The following HEMK1 variants were observed in gnomAD, a reference collection of about 807,000 sequenced individuals.
HEMK1 encodes the protein MTRF1L release factor glutamine methyltransferase.
HEMK1 carries 36 observed loss-of-function variants against 47.9 expected under a neutral mutation model. The observed-to-expected ratio is 0.75, with a 90% CI of 0.58 to 0.99. The LOEUF (loss-of-function observed/expected upper bound fraction) is 0.99, where lower values mean the gene tolerates loss of function less well. HEMK1 is among the 50% of genes least tolerant of loss of function. HEMK1 has a pLI of 0.00. For missense variants in HEMK1, 383 were observed against 434.5 expected, an observed-to-expected ratio of 0.88 and a Z score of 1.05; for synonymous variants, 153 against 165.4, an observed-to-expected ratio of 0.93 and a Z score of 0.57.
chr3:50,571,976 G>T, intron 3 of HEMK1, 139 bp from the exon 4 acceptor site: 1 of 1,420,166 alleles, frequency 7.0e-7, no homozygotes, highest in South Asian at 1.3e-5. Context: ...AGGGAGGGAG[G>T]GTTTTGCCTC....
intron 4 of HEMK1, among the ~76,000 whole-genome samples, chr3:50,574,335 C>G (rs1701339597): frequency 6.6e-6 from 1 of 152,230 alleles, no homozygotes; most frequent in Non-Finnish European, 1.5e-5. Flanking sequence ...GGGCTGTTAT[C>G]TACCCCTGCC....
In HEMK1 at chr3:50,580,393, G is replaced by A. The variant is rs1232775035; in HGVS notation, c.993G>A (p.Leu331=). ...RRDFCGRPRF[L]HIRRSGP is the part of the protein sequence containing the mutation. ...CCTGTCTCCTCAGGCCCCGGTTCCT[G>A]CATATCCGGAGGTCTGGGCCATAGC... is the stretch of plus-strand genomic sequence containing the variant. The change falls in exon 11 of 11, where the codon CTG becomes CTA. Residue 331 remains leucine, a synonymous_variant. Transcript: ENST00000232854. 3 of 1,614,174 alleles carry A rather than the reference G, an allele frequency of 1.9e-6. No individual in the cohort carries two copies. Among genetic ancestry groups the A allele is most frequent in the Non-Finnish European group, 2.5e-6 (3 of 1,180,022 alleles).
chr3:50,593,657 T>C lies in HEMK1; in HGVS notation c.*13240T>C, dbSNP rs1245726288. 2 of 152,244 alleles carry C rather than the reference T, an allele frequency of 1.3e-5. No homozygotes were observed. Among genetic ancestry groups the C allele is most frequent in the Non-Finnish European group, 2.9e-5 (2 of 68,044 alleles). 9.4% of individuals were successfully genotyped at this position (152,244 alleles called of 1,614,324 possible). ...CACCTTTTTGTTTTCTCTTACAAGA[T>C]GTGCTTGTTGTTGCTTCTCTTGGAT... On this transcript the variant is annotated 3_prime_UTR_variant, in exon 11 of 11. Transcript: ENST00000232854.
rs1216456585 is a variant in HEMK1 at position 50,580,061 on chromosome 3, G to A, written c.867-55G>A. Reference sequence around the variant, plus strand: ...TCACCTCGCCAGCCCAAGCAGCCCAGAAGGGCAGGCGCCAGACCTGTCCTG... The same window carrying A: ...TCACCTCGCCAGCCCAAGCAGCCCAAAAGGGCAGGCGCCAGACCTGTCCTG... On this transcript the variant is annotated intron_variant, in intron 9 of 10. Transcript: ENST00000232854. The A allele has an allele frequency of 2.6e-6, 4 of 1,559,398 alleles. No individual in the cohort carries two copies. In the East Asian group the frequency reaches 9.0e-5, roughly 35 times the overall value.
At position 50,585,783 on chromosome 3, in the gene HEMK1, T is replaced by C. The variant is rs530062127; in HGVS notation, c.*5366T>C. 3.3e-5 allele frequency: 5 copies of C among 152,210 alleles called. No individual in the cohort carries two copies. The highest frequency in any genetic ancestry group is 6.5e-5 in the Admixed American group (1 of 15,284). 9.4% of individuals were successfully genotyped at this position (152,210 alleles called of 1,614,324 possible). On this transcript the variant is annotated 3_prime_UTR_variant, in exon 11 of 11. Coordinates refer to ENST00000232854, the MANE Select transcript of HEMK1 (RefSeq NM_016173.5). ...AAGGGGTGGATCATGGCAAGACTTA[T>C]ATTCAATCCCTGATCTTTTTTCCCA...
At position 50,588,374 on chromosome 3, in the gene HEMK1, C is replaced by T. The variant is rs2031519785; in HGVS notation, c.*7957C>T. The T allele has an allele frequency of 6.6e-6, 1 of 152,258 alleles. No homozygotes were observed. The highest frequency in any genetic ancestry group is 2.4e-5 in the African/African-American group (1 of 41,442). The allele number at this position is 152,258 out of a possible 1,614,324, so 9.4% of individuals were successfully genotyped here. On this transcript the variant is annotated 3_prime_UTR_variant, in exon 11 of 11. Transcript: ENST00000232854. ...GCCATGCTGGAGTTTGAACCTAGTC[C>T]TCTGACATCCCAGTCAGGAGAGGCG...
At chr3:50,580,066 G>A in intron 9 of HEMK1, 50 bp from the exon 10 acceptor site, 1 of 1,559,204 alleles carries the variant, frequency 6.4e-7, no homozygotes, top group Non-Finnish European at 8.8e-7. Context: ...GCCCAGAAGG[G>A]CAGGCGCCAG....
At chr3:50,574,474 G>A (rs1344896735) in intron 4 of HEMK1, among the ~76,000 whole-genome samples, 37 of 152,216 alleles carry the variant, frequency 2.4e-4, no homozygotes, top group Non-Finnish European at 2.9e-5. Flanking sequence ...ATCCACATAC[G>A]TGGTGTGTGT....
Position 50,571,152 on chromosome 3 carries a change from G to A in HEMK1, c.48G>A (p.Gly16=). The A allele has an allele frequency of 6.2e-7, 1 of 1,613,114 alleles. No individual in the cohort carries two copies. The highest frequency in any genetic ancestry group is 1.7e-5 in the Admixed American group (1 of 59,904). ...TGTGGGCCCTCCTGTCTGGCCCAGG[G>A]AGGAGGGGAAGTACCCGGGGCTGGG... is the stretch of plus-strand genomic sequence containing the variant. ...RMLWALLSGP[G]RRGSTRGWAF... is the part of the protein sequence containing the mutation. The change falls in exon 2 of 11, where the codon GGG becomes GGA. Residue 16 remains glycine (G), a synonymous_variant. Transcript: ENST00000232854.
intron 3 of HEMK1, 82 bp downstream of exon 3, chr3:50,571,883 G>A: frequency 1.4e-6 from 2 of 1,451,024 alleles, no homozygotes; most frequent in East Asian, 2.3e-5. Context: ...AGTTCAGGGA[G>A]GAGGAGAATG....
At position 50,579,853 on chromosome 3, in the gene HEMK1, C is replaced by A. The variant is rs748888994; in HGVS notation, c.780C>A (p.Asp260Glu). 1.9e-6 allele frequency: 3 copies of A among 1,613,214 alleles called. No homozygotes were observed. The highest frequency in any genetic ancestry group is 3.3e-5 in the Admixed American group (2 of 59,926). ...CTGCTTTGCCTTTCAGCTATGAAGA[C>A]CCCGCGGCCCTGGATGGTGGGGAGG... ...QLAPEIRSYEDPAALDGGEEG... is the reference protein window; with the variant it reads ...QLAPEIRSYEEPAALDGGEEG... The change falls in exon 9 of 11, where the codon GAC becomes GAA. Residue 260 changes from aspartate (D) to glutamate (E), a missense_variant. Coordinates refer to ENST00000232854, the MANE Select transcript of HEMK1 (RefSeq NM_016173.5).
Position 50,595,754 on chromosome 3 carries a change from A to C in HEMK1, c.*15337A>C, listed in dbSNP as rs2031942877. 1.3e-5 allele frequency: 2 copies of C among 152,198 alleles called. No individual in the cohort carries two copies. The highest frequency in any genetic ancestry group is 4.8e-5 in the African/African-American group (2 of 41,434). The allele number at this position is 152,198 out of a possible 1,614,324, so 9.4% of individuals were successfully genotyped here. A position where few individuals can be genotyped will look rare whatever the true frequency, so the allele number is the denominator to read the frequency against. ...CTATTTGCATTTGGATGCTTGTCTC[A>C]GAGTGGTTTCTGCAGGAAAAAACCC... On this transcript the variant is annotated 3_prime_UTR_variant, in exon 11 of 11. Coordinates refer to ENST00000232854, the MANE Select transcript of HEMK1 (RefSeq NM_016173.5).
chr3:50,588,939 C>G lies in HEMK1; in HGVS notation c.*8522C>G, dbSNP rs549958289. On this transcript the variant is annotated 3_prime_UTR_variant, in exon 11 of 11. Transcript: ENST00000232854. Reference sequence around the variant, plus strand: ...CTGTTTCTTCATCATTTCACTCAGCCCGCCTGTCTCAGCCCCCCAGAACTT... The same window carrying G: ...CTGTTTCTTCATCATTTCACTCAGCGCGCCTGTCTCAGCCCCCCAGAACTT... 6.6e-6 allele frequency: 1 copy of G among 152,350 alleles called. No individual in the cohort carries two copies. Among genetic ancestry groups the G allele is most frequent in the East Asian group, 1.9e-4 (1 of 5,196 alleles). The allele number at this position is 152,350 out of a possible 1,614,324, so 9.4% of individuals were successfully genotyped here.
rs556265239 is a variant in HEMK1, at chr3:50,584,394, G to A, written c.*3977G>A. 11 of 152,348 alleles carry A rather than the reference G, an allele frequency of 7.2e-5. No homozygotes were observed. The highest frequency in any genetic ancestry group is 2.4e-4 in the African/African-American group (10 of 41,576). The allele number at this position is 152,348 out of a possible 1,614,324, so 9.4% of individuals were successfully genotyped here. A position where few individuals can be genotyped will look rare whatever the true frequency, so the allele number is the denominator to read the frequency against. ...GTCTTAATCACCTAAACCTTAACAT[G>A]TGACTATATTACCTTCACATAGCAA... On this transcript the variant is annotated 3_prime_UTR_variant, in exon 11 of 11. Coordinates refer to ENST00000232854, the MANE Select transcript of HEMK1 (RefSeq NM_016173.5).
chr3:50,579,978 G>A (rs2030528521), intron 9 of HEMK1, 39 bp downstream of exon 9: 1 of 1,571,664 alleles, frequency 6.4e-7, no homozygotes, highest in Non-Finnish European at 8.8e-7. Context: ...GTCCCCAGCA[G>A]GCTCCTCTGC....
chr3:50,569,514 G>T (rs1306628336), upstream of HEMK1: 1 of 151,854 alleles, frequency 6.6e-6, no homozygotes, highest in Non-Finnish European at 1.5e-5. Flanking sequence ...ACGCACGTCC[G>T]GGCGTCCAGT....
At chr3:50,577,938 A>G (rs1030766476) in intron 7 of HEMK1, 63 bp downstream of exon 7, 13 of 1,481,882 alleles carry the variant, frequency 8.8e-6, no homozygotes, top group Non-Finnish European at 9.4e-6. Flanking sequence ...TGGGTGGATG[A>G]GGCACTCCGT....
rs948711916 is a variant in HEMK1, at chr3:50,583,777, C to T, written c.*3360C>T. On this transcript the variant is annotated 3_prime_UTR_variant, in exon 11 of 11. Coordinates refer to ENST00000232854, the MANE Select transcript of HEMK1 (RefSeq NM_016173.5). Reference sequence around the variant, plus strand: ...CAATCCACTTCTTCAAGCTCCAACACAAATGCTGCCTCCTTTAGGATGCCT... The same window carrying T: ...CAATCCACTTCTTCAAGCTCCAACATAAATGCTGCCTCCTTTAGGATGCCT... The T allele has an allele frequency of 6.6e-6, 1 of 152,532 alleles. No homozygotes were observed. The highest frequency in any genetic ancestry group is 2.4e-5 in the African/African-American group (1 of 41,462). 9.4% of individuals were successfully genotyped at this position (152,532 alleles called of 1,614,324 possible). A position where few individuals can be genotyped will look rare whatever the true frequency, so the allele number is the denominator to read the frequency against.
At chr3:50,577,340 C>T (rs1701693391) in intron 5 of HEMK1, among the ~76,000 whole-genome samples, 154 bp downstream of exon 5, 1 of 152,240 alleles carries the variant, frequency 6.6e-6, no homozygotes. Flanking sequence ...GGTTCACAGA[C>T]TCTAACGCCT....
Sources: allele counts gnomAD v4.1 joint callset (sites outside exome capture counted in the v4.1 genomes callset), GRCh38; gene constraint gnomAD v4.1.1; transcripts MANE v1.5; gene names NCBI Gene and HGNC (gene_info 2026-07-23, HGNC 2026-07-21).